The following PHLPP2 variants were observed in gnomAD, a reference collection of about 807,000 sequenced individuals.
PHLPP2 encodes PH domain and leucine rich repeat protein phosphatase 2, also known as PH domain leucine-rich repeat-containing protein phosphatase 2.
A neutral mutation model predicts 124.9 loss-of-function variants in PHLPP2; 66 were observed. The ratio of observed to expected loss-of-function variants is 0.53; its 90% CI spans 0.43 to 0.65. The LOEUF is 0.65. Ranked by LOEUF, PHLPP2 falls within the 30% of genes least tolerant of loss-of-function variation. The pLI is 0.00. For missense variants in PHLPP2, 1,685 were observed against 1,600.4 expected (o/e 1.05, Z -0.90); for synonymous variants, 681 against 624.7 (o/e 1.09, Z -1.34).
At chr16:71,678,403 T>C (rs2044966812) in intron 8 of PHLPP2, 2 of 206,662 alleles carry the variant, frequency 9.7e-6, no homozygotes, top group South Asian at 2.0e-4. Context: ...TTTGGGAGGC[T>C]GAGGTGGGTG....
chr16:71,669,826 A>G (rs11648674), intron 10 of PHLPP2, among the ~76,000 whole-genome samples: 52,395 of 152,046 alleles, frequency 0.34, 9,832 homozygotes, highest in East Asian at 0.76. Context: ...GTGGGGGAAA[A>G]GTTTCAAACC....
chr16:71,681,374 G>A (rs1210489109), intron 6 of PHLPP2, among the ~76,000 whole-genome samples: 2 of 152,184 alleles, frequency 1.3e-5, no homozygotes, highest in African/African-American at 2.4e-5. Context: ...AGAAGATAGA[G>A]CCTTGTCTCT....
intron 6 of PHLPP2, 69 bp from the exon 7 acceptor site, chr16:71,679,604 T>C: frequency 1.5e-6 from 2 of 1,302,696 alleles, no homozygotes; most frequent in Non-Finnish European, 2.2e-6. Flanking sequence ...ACAAGGGACA[T>C]CAACGGCCTT....
At position 71,648,568 on chromosome 16, in the gene PHLPP2, A is replaced by G; in HGVS notation, c.*322T>C. 3.4e-6 allele frequency: 1 copy of G among 295,568 alleles called. No homozygotes were observed. Among genetic ancestry groups the G allele is most frequent in the Non-Finnish European group, 6.4e-6 (1 of 156,870 alleles). The allele number at this position is 295,568 out of a possible 1,614,324, so 18.3% of individuals were successfully genotyped here. ...GTGGATCACCTGAGGTCAAGAGTTC[A>G]ACACCAGCCTGGCCAACATGGTGAA... On this transcript the variant is annotated 3_prime_UTR_variant, in exon 19 of 19. Transcript: ENST00000568954.
At position 71,650,500 on chromosome 16, in the gene PHLPP2, G is replaced by A. The variant is rs1302377312; in HGVS notation, c.2818-456C>T. 2.0e-5 allele frequency among the ~76,000 whole-genome samples: 3 copies of A among 152,188 alleles called. No homozygotes were observed. In the East Asian group the frequency reaches 5.8e-4, roughly 29 times the overall value. On this transcript the variant is annotated intron_variant, in intron 18 of 18. Coordinates refer to ENST00000568954, the MANE Select transcript of PHLPP2 (RefSeq NM_015020.3). ...TGGCAAAGACAATCTTGGCAGTTAA[G>A]GCATCAAATAATCTCTAAGGTTATT...
At position 71,672,267 on chromosome 16, in the gene PHLPP2, G is replaced by C. The variant is rs372303337; in HGVS notation, c.1527C>G (p.Leu509=). Reference sequence around the variant, plus strand: ...CCCTCATGAAAGACACTCACCGGGAGAGATCCAAGAAAGTGAGCAGGCTGG... The same window carrying C: ...CCCTCATGAAAGACACTCACCGGGACAGATCCAAGAAAGTGAGCAGGCTGG... ...PVPSLLTFLD[L]SRNLLECVPD... The change falls in exon 10 of 19, where the codon CTC becomes CTG. Residue 509 remains leucine (L), a synonymous_variant. Transcript: ENST00000568954. 5 of 1,612,216 alleles carry C rather than the reference G, an allele frequency of 3.1e-6. No homozygotes were observed. In the South Asian group the frequency reaches 4.4e-5, roughly 14 times the overall value.
intron 18 of PHLPP2, among the ~76,000 whole-genome samples, chr16:71,650,681 C>T (rs2044689697): frequency 6.6e-6 from 1 of 152,154 alleles, no homozygotes; most frequent in Non-Finnish European, 1.5e-5. Flanking sequence ...GCTCACAAGC[C>T]AGACACTTTG....
chr16:71,695,880 T>A (rs928251215), intron 3 of PHLPP2, among the ~76,000 whole-genome samples: 1 of 152,078 alleles, frequency 6.6e-6, no homozygotes. Context: ...TATATAAAAA[T>A]AATCAAGTTG....
chr16:71,649,513 G>A lies in PHLPP2; in HGVS notation c.3349C>T (p.Arg1117Cys), dbSNP rs753083091. ...DTALLPRPER[R>C]CSLHPTPTSG... ...GTGGGTGTTGGGTGGAGGCTGCAGC[G>A]CCGCTCTGGCCTCGGAAGCAAGGCA... The change falls in exon 19 of 19, where the codon CGC becomes TGC. Residue 1117 changes from arginine to cysteine, a missense_variant. By Grantham distance (180) the Arg-to-Cys change is radical. Transcript: ENST00000568954. The A allele has an allele frequency of 1.1e-4, 170 of 1,614,022 alleles. No individual in the cohort carries two copies. The Admixed American group carries it at 2.6e-3, about 24-fold the overall frequency.
chr16:71,656,555 T>C lies in PHLPP2; in HGVS notation c.2390+16A>G, dbSNP rs767963466. On this transcript the variant is annotated intron_variant, in intron 16 of 18. Coordinates refer to ENST00000568954, the MANE Select transcript of PHLPP2 (RefSeq NM_015020.3). The stretch of plus-strand genomic sequence containing the variant: ...TGCCTTTTTTCTTTCTCAGTCTCCA[T>C]GGCCAATATACTCACTTATTTCTCT... The C allele has an allele frequency of 6.7e-6, 10 of 1,488,786 alleles. No homozygotes were observed. Among genetic ancestry groups the C allele is most frequent in the South Asian group, 2.3e-5 (2 of 88,142 alleles). 92.2% of individuals were successfully genotyped at this position (1,488,786 alleles called of 1,614,324 possible). A position where few individuals can be genotyped will look rare whatever the true frequency, so the allele number is the denominator to read the frequency against.
intron 16 of PHLPP2, among the ~76,000 whole-genome samples, chr16:71,656,055 G>A (rs981779628): frequency 9.9e-5 from 15 of 152,024 alleles, no homozygotes; most frequent in African/African-American, 3.6e-4. Context: ...AAGACCACCA[G>A]AGCACACCTA....
At chr16:71,656,486 C>A (rs1355641275) in intron 16 of PHLPP2, 85 bp downstream of exon 16, 2 of 748,708 alleles carry the variant, frequency 2.7e-6, no homozygotes. Context: ...AACAACATGG[C>A]CTAGCTATTA....
At chr16:71,718,635 G>A (rs2045378999) in intron 1 of PHLPP2, among the ~76,000 whole-genome samples, 1 of 150,738 alleles carries the variant, frequency 6.6e-6, no homozygotes, top group African/African-American at 2.4e-5. Flanking sequence ...GGAGGCCAAG[G>A]AGGGAGGATC....
intron 11 of PHLPP2, among the ~76,000 whole-genome samples, chr16:71,668,591 G>T (rs537048040): frequency 6.6e-5 from 10 of 151,816 alleles, no homozygotes; most frequent in Non-Finnish European, 1.3e-4. Flanking sequence ...GCAAAGCCCC[G>T]TCTCTACTAA....
intron 2 of PHLPP2, among the ~76,000 whole-genome samples, chr16:71,705,099 T>C (rs1348861944): frequency 2.0e-5 from 3 of 152,184 alleles, no homozygotes; most frequent in African/African-American, 7.2e-5. Context: ...TGAAATGAAC[T>C]GCCTCTCAGA....
chr16:71,649,614 TCACTGCTGAACTCAGAGGCAATCC>T lies in PHLPP2; in HGVS notation c.3224_3247del (p.Gly1075_Ser1082del), dbSNP rs748699632. ...ACTGCTCACCTCTGAGGTGGACATC[TCACTGCTGAACTCAGAGGCAATCC>T]CACTGCTAGAGGATGGAGTGGCTGG... On this transcript the variant is annotated inframe_deletion, in exon 19 of 19. Coordinates refer to ENST00000568954, the MANE Select transcript of PHLPP2 (RefSeq NM_015020.3). 1 of 1,614,138 alleles carries T rather than the reference TCACTGCTGAACTCAGAGGCAATCC, an allele frequency of 6.2e-7. No homozygotes were observed.
intron 4 of PHLPP2, among the ~76,000 whole-genome samples, chr16:71,687,704 T>A (rs902449383): frequency 6.6e-6 from 1 of 152,228 alleles, no homozygotes; most frequent in Non-Finnish European, 1.5e-5. Context: ...GATGTCTCTA[T>A]CCTCTTATCC....
At chr16:71,696,465 T>C (rs1469426340) in intron 3 of PHLPP2, among the ~76,000 whole-genome samples, 2 of 151,888 alleles carry the variant, frequency 1.3e-5, no homozygotes, top group East Asian at 3.9e-4. Context: ...GGTGAAACCC[T>C]GTCTCTACTA....
At chr16:71,689,555 G>T (rs1567622745) in intron 4 of PHLPP2, among the ~76,000 whole-genome samples, 1 of 151,936 alleles carries the variant, frequency 6.6e-6, no homozygotes, top group Non-Finnish European at 1.5e-5. Flanking sequence ...ACCATGCCCA[G>T]CTAATTTTTT....
Sources: gnomAD v4.1 joint callset for allele counts (sites outside exome capture counted in the v4.1 genomes callset) on GRCh38, gnomAD v4.1.1 for gene constraint, MANE v1.5 for transcripts, NCBI Gene and HGNC (gene_info 2026-07-23, HGNC 2026-07-21) for gene names.